The following GRIK3 variants were observed in gnomAD, a reference collection of about 807,000 sequenced individuals.
GRIK3 encodes the protein glutamate receptor ionotropic, kainate 3.
GRIK3 carries 29 observed loss-of-function variants against 102.5 expected under a neutral mutation model. That is an observed-to-expected ratio of 0.28 (90% confidence interval 0.21 to 0.39). The LOEUF (loss-of-function observed/expected upper bound fraction) is 0.39. GRIK3 is among the 10% of genes least tolerant of loss of function. The pLI is 1.00. For missense variants in GRIK3, 908 were observed against 1,252.4 expected (o/e 0.73, Z 4.15); for synonymous variants, 511 against 504.9 (o/e 1.01, Z -0.16).
intron 5 of GRIK3, among the ~76,000 whole-genome samples, chr1:36,867,371 G>T (rs891815789): frequency 1.3e-5 from 2 of 152,044 alleles, no homozygotes; most frequent in African/African-American, 4.8e-5. Flanking sequence ...CCAGAATCTT[G>T]CCCATCATAG....
chr1:36,926,224 G>T (rs1211036392), intron 1 of GRIK3, among the ~76,000 whole-genome samples: 2 of 152,176 alleles, frequency 1.3e-5, no homozygotes, highest in African/African-American at 2.4e-5. Flanking sequence ...CAAAAAGTTA[G>T]GCACTCCCTG....
intron 10 of GRIK3, among the ~76,000 whole-genome samples, chr1:36,826,082 C>T (rs937969544): frequency 3.3e-5 from 5 of 152,346 alleles, no homozygotes; most frequent in South Asian, 2.1e-4. Context: ...GTGGAATAAA[C>T]ATGCAGAGAA....
chr1:36,842,476 A>T (rs1479511252), intron 9 of GRIK3, among the ~76,000 whole-genome samples: 2 of 152,204 alleles, frequency 1.3e-5, no homozygotes, highest in Non-Finnish European at 2.9e-5. Context: ...CCCTTCAGAA[A>T]GCCGTCTGCT....
chr1:36,872,246 C>A lies in GRIK3; in HGVS notation c.674G>T (p.Arg225Leu). 1 of 1,612,068 alleles carries A rather than the reference C, an allele frequency of 6.2e-7. No individual in the cohort carries two copies. The change falls in exon 4 of 16, where the codon CGG becomes CTG. Residue 225 changes from arginine to leucine, a missense_variant. Coordinates refer to ENST00000373091, the MANE Select transcript of GRIK3 (RefSeq NM_000831.4). The surrounding 1 kb of genome is among the most constrained non-coding windows in gnomAD (Gnocchi z 5.9). ...RPLLKEMKRG[R>L]EFRIIFDCSH... ...GCAGTCGAAGATAATGCGGAATTCC[C>A]GGCCTCGCTTCATCTCCTTGAGCAA...
intron 1 of GRIK3, among the ~76,000 whole-genome samples, chr1:36,981,218 C>T (rs945656652): frequency 1.3e-5 from 2 of 152,292 alleles, no homozygotes; most frequent in South Asian, 2.1e-4. Context: ...TTGGTCAACT[C>T]GGGTTATCTG....
At chr1:36,982,507 C>G (rs925160609) in intron 1 of GRIK3, among the ~76,000 whole-genome samples, 1 of 152,222 alleles carries the variant, frequency 6.6e-6, no homozygotes, top group Admixed American at 6.5e-5. Flanking sequence ...TAGGAACACA[C>G]AGTCCAGGGC....
chr1:36,869,939 A>G, intron 4 of GRIK3, 138 bp from the exon 5 acceptor site: 1 of 669,902 alleles, frequency 1.5e-6, no homozygotes. Flanking sequence ...CTCTGAGACC[A>G]CCTCTGAACA....
At chr1:36,946,906 T>C (rs973468330) in intron 1 of GRIK3, among the ~76,000 whole-genome samples, 1 of 152,152 alleles carries the variant, frequency 6.6e-6, no homozygotes, top group African/African-American at 2.4e-5. Flanking sequence ...ATTTGTATTA[T>C]ACCCTCTACG....
At chr1:36,814,510 C>A (rs1339902433) in intron 13 of GRIK3, among the ~76,000 whole-genome samples, 19 of 83,068 alleles carry the variant, frequency 2.3e-4, no homozygotes, top group African/African-American at 1.1e-3. Flanking sequence ...CATACATAGA[C>A]CCCCCCCCCC....
chr1:36,937,444 A>G (rs1371696142), intron 1 of GRIK3, among the ~76,000 whole-genome samples: 1 of 152,240 alleles, frequency 6.6e-6, no homozygotes, highest in Admixed American at 6.5e-5. Flanking sequence ...AGCTATAATC[A>G]GCCTGTGAGC....
At position 37,011,324 on chromosome 1, in the gene GRIK3, G is replaced by A. The variant is rs1045734020; in HGVS notation, c.115+22670C>T. On this transcript the variant is annotated intron_variant, in intron 1 of 15. Transcript: ENST00000373091. ...GATGATACTAGCTTACAAGCCCTGA[G>A]CTCTATGTAGCAGACACTGCTCTGA... Among the ~76,000 whole-genome samples the A allele has an allele frequency of 2.6e-5, 4 of 152,210 alleles. No homozygotes were observed. The South Asian group carries it at 6.2e-4, about 24-fold the overall frequency.
At chr1:36,918,511 T>C (rs1641431857) in intron 1 of GRIK3, among the ~76,000 whole-genome samples, 1 of 152,052 alleles carries the variant, frequency 6.6e-6, no homozygotes, top group Non-Finnish European at 1.5e-5. Flanking sequence ...CCAAATGCTT[T>C]ATGAACATCA....
rs183455481 is a variant in GRIK3 at position 36,988,459 on chromosome 1, C to T, written c.115+45535G>A. Among the ~76,000 whole-genome samples the T allele has an allele frequency of 4.7e-3, 722 of 152,334 alleles. 6 individuals carry two copies. Among genetic ancestry groups the T allele is most frequent in the African/African-American group, 0.017 (695 of 41,580 alleles). On this transcript the variant is annotated intron_variant, in intron 1 of 15. Transcript: ENST00000373091. ...TGCAGGCGTTGGGAACACCCAAGCC[C>T]GCCCAGAGGCCCTGCTGGCAGGGCA...
At chr1:37,028,113 A>G (rs1189499659) in intron 1 of GRIK3, among the ~76,000 whole-genome samples, 1 of 152,176 alleles carries the variant, frequency 6.6e-6, no homozygotes, top group Non-Finnish European at 1.5e-5. Context: ...AGGAAGGAAA[A>G]CGGGAAGTGA....
chr1:36,980,564 C>T (rs1434410741), intron 1 of GRIK3, among the ~76,000 whole-genome samples: 4 of 151,748 alleles, frequency 2.6e-5, no homozygotes, highest in African/African-American at 4.8e-5. Flanking sequence ...ACTCAGGGAC[C>T]GCCCCCCACC....
intron 1 of GRIK3, among the ~76,000 whole-genome samples, chr1:37,022,446 G>A (rs753482707): frequency 1.6e-4 from 24 of 152,202 alleles, no homozygotes; most frequent in Non-Finnish European, 2.6e-4. Flanking sequence ...AAGACAGTTT[G>A]TCTCTCTCAA....
At chr1:36,959,921 C>A (rs1279334440) in intron 1 of GRIK3, among the ~76,000 whole-genome samples, 1 of 77,954 alleles carries the variant, frequency 1.3e-5, no homozygotes, top group East Asian at 7.9e-4. Context: ...GCCCTGTGAG[C>A]CTGTGTGCCC....
At chr1:36,993,843 A>G (rs566700954) in intron 1 of GRIK3, among the ~76,000 whole-genome samples, 127 of 152,344 alleles carry the variant, frequency 8.3e-4, no homozygotes, top group African/African-American at 2.1e-3. Flanking sequence ...TCTTGCCCCA[A>G]TACAACTCAC....
At chr1:36,836,383 T>C (rs2124210048) in intron 10 of GRIK3, among the ~76,000 whole-genome samples, 1 of 152,340 alleles carries the variant, frequency 6.6e-6, no homozygotes, top group Non-Finnish European at 1.5e-5. Flanking sequence ...CACCCACGTG[T>C]CCCTCATTCA....
Sources: gnomAD v4.1 joint callset for allele counts (sites outside exome capture counted in the v4.1 genomes callset) on GRCh38, gnomAD v4.1.1 for gene constraint, Gnocchi (gnomAD v3.1) non-coding constraint, MANE v1.5 for transcripts, NCBI Gene and HGNC (gene_info 2026-07-23, HGNC 2026-07-21) for gene names.